The following CAMKMT variants were observed in gnomAD, a reference collection of about 807,000 sequenced individuals.
CAMKMT encodes the protein CaM KMT.
A neutral mutation model predicts 48.0 loss-of-function variants in CAMKMT; 53 were observed. The observed-to-expected ratio is 1.10, with a 90% CI of 0.89 to 1.39. The LOEUF is 1.39. CAMKMT is among the 40% of genes most tolerant of loss of function. CAMKMT has a pLI of 0.00. For missense variants in CAMKMT, 428 were observed against 402.7 expected (o/e 1.06, Z -0.54); for synonymous variants, 165 against 152.3 (o/e 1.08, Z -0.61).
chr2:44,675,088 A>AGG (rs1293861815), intron 3 of CAMKMT, among the ~76,000 whole-genome samples: 167 of 148,432 alleles, frequency 1.1e-3, no homozygotes, highest in African/African-American at 3.2e-3. Context: ...AGGGGGGGAA[A>AGG]AAAAAAAAGG....
chr2:44,452,930 G>T (rs1422668337), intron 3 of CAMKMT, among the ~76,000 whole-genome samples: 1 of 151,978 alleles, frequency 6.6e-6, no homozygotes, highest in African/African-American at 2.4e-5. Flanking sequence ...GGTTTTATGT[G>T]TCTTTTTATA....
chr2:44,475,879 C>T (rs1668663408), intron 3 of CAMKMT, among the ~76,000 whole-genome samples: 1 of 152,204 alleles, frequency 6.6e-6, no homozygotes, highest in Non-Finnish European at 1.5e-5. Flanking sequence ...TCTGTGACTG[C>T]ATTCTCTGAG....
At chr2:44,458,139 C>G (rs536895559) in intron 3 of CAMKMT, among the ~76,000 whole-genome samples, 1 of 150,892 alleles carries the variant, frequency 6.6e-6, no homozygotes, top group Admixed American at 6.6e-5. Flanking sequence ...CTCTGCCTCC[C>G]CGGTTCAAAC....
At chr2:44,447,307 C>T (rs1356607442) in intron 3 of CAMKMT, among the ~76,000 whole-genome samples, 3 of 152,282 alleles carry the variant, frequency 2.0e-5, no homozygotes, top group South Asian at 4.1e-4. Flanking sequence ...CTTTTATTCT[C>T]CTCGTTTTAT....
At chr2:44,528,434 C>G (rs1666288898) in intron 3 of CAMKMT, among the ~76,000 whole-genome samples, 1 of 151,974 alleles carries the variant, frequency 6.6e-6, no homozygotes, top group Non-Finnish European at 1.5e-5. Flanking sequence ...CCACTCATTG[C>G]CACCCCCTTA....
chr2:44,456,221 CAA>C (rs1034765372), intron 3 of CAMKMT, among the ~76,000 whole-genome samples: 50 of 152,090 alleles, frequency 3.3e-4, no homozygotes, highest in African/African-American at 1.0e-3. Flanking sequence ...AGTATGAAAA[CAA>C]GTGTTCATTT....
intron 3 of CAMKMT, among the ~76,000 whole-genome samples, chr2:44,611,862 C>G (rs1262602310): frequency 1.3e-5 from 2 of 151,858 alleles, no homozygotes. Context: ...GGGGGAGGTG[C>G]CACACACTTT....
intron 3 of CAMKMT, among the ~76,000 whole-genome samples, chr2:44,650,075 C>G (rs1373357670): frequency 6.6e-6 from 1 of 152,130 alleles, no homozygotes; most frequent in East Asian, 1.9e-4. Flanking sequence ...GTTTCTTTAA[C>G]AAAGTACCAC....
intron 3 of CAMKMT, among the ~76,000 whole-genome samples, chr2:44,603,771 C>G (rs1410736868): frequency 6.6e-6 from 1 of 152,184 alleles, no homozygotes; most frequent in Non-Finnish European, 1.5e-5. Flanking sequence ...ATTCTATTTG[C>G]ATTCTTTCAA....
chr2:44,681,812 T>A (rs754247985), intron 3 of CAMKMT, among the ~76,000 whole-genome samples: 3 of 152,164 alleles, frequency 2.0e-5, no homozygotes, highest in Non-Finnish European at 4.4e-5. Context: ...CAGGGTTATG[T>A]TTCCTTCATT....
intron 3 of CAMKMT, among the ~76,000 whole-genome samples, chr2:44,437,929 G>A (rs537466528): frequency 6.6e-6 from 1 of 150,938 alleles, no homozygotes. Context: ...TGCTCCTCCA[G>A]AGATCCACCA....
At chr2:44,752,008 A>T (rs762867186) in intron 8 of CAMKMT, among the ~76,000 whole-genome samples, 16 of 152,042 alleles carry the variant, frequency 1.1e-4, no homozygotes, top group Admixed American at 1.3e-4. Flanking sequence ...ATCCGCCCCT[A>T]TGACCCAATA....
Position 44,592,210 on chromosome 2 carries a change from T to G in CAMKMT, c.377-112073T>G, listed in dbSNP as rs967289606. On this transcript the variant is annotated intron_variant, in intron 3 of 10. Coordinates refer to ENST00000378494, the MANE Select transcript of CAMKMT (RefSeq NM_024766.5). ...CACATGTACCCTAAAACTTAAAGTATAATAATAATAATAAATAAATAAATA... is the reference window on the plus strand; with the variant it reads ...CACATGTACCCTAAAACTTAAAGTAGAATAATAATAATAAATAAATAAATA... Among the ~76,000 whole-genome samples, 11 of 151,828 alleles carry G rather than the reference T, an allele frequency of 7.2e-5. No homozygotes were observed. The East Asian group carries it at 1.9e-3, about 27-fold the overall frequency.
chr2:44,610,920 G>A (rs1270268638), intron 3 of CAMKMT, among the ~76,000 whole-genome samples: 1 of 152,142 alleles, frequency 6.6e-6, no homozygotes, highest in African/African-American at 2.4e-5. Flanking sequence ...TCATGAGAAT[G>A]GAAGGGCTTA....
At chr2:44,658,885 G>GCT (rs550854956) in intron 3 of CAMKMT, among the ~76,000 whole-genome samples, 38 of 152,058 alleles carry the variant, frequency 2.5e-4, no homozygotes, top group Non-Finnish European at 4.4e-4. Flanking sequence ...CAAACATGGA[G>GCT]CTAAGTACTC....
chr2:44,577,930 T>C (rs2103762522), intron 3 of CAMKMT, among the ~76,000 whole-genome samples: 1 of 152,378 alleles, frequency 6.6e-6, no homozygotes, highest in South Asian at 2.1e-4. Context: ...GCCTTTGTCC[T>C]ATCATTTCTT....
At chr2:44,596,558 C>T (rs1553422589) in intron 3 of CAMKMT, among the ~76,000 whole-genome samples, 1 of 152,102 alleles carries the variant, frequency 6.6e-6, no homozygotes, top group Non-Finnish European at 1.5e-5. Context: ...CTCTAACAAG[C>T]CCCCCATCTG....
chr2:44,644,037 A>C (rs1357929933), intron 3 of CAMKMT, among the ~76,000 whole-genome samples: 1 of 152,196 alleles, frequency 6.6e-6, no homozygotes, highest in Non-Finnish European at 1.5e-5. Context: ...TCTTCATTTT[A>C]AGTCAAAGCG....
intron 3 of CAMKMT, among the ~76,000 whole-genome samples, chr2:44,652,904 A>G (rs766840661): frequency 1.3e-5 from 2 of 152,186 alleles, no homozygotes; most frequent in Non-Finnish European, 2.9e-5. Context: ...TGGATTATCC[A>G]GGCCATATGC....
Sources: gnomAD v4.1 joint callset for allele counts (sites outside exome capture counted in the v4.1 genomes callset) on GRCh38, gnomAD v4.1.1 for gene constraint, MANE v1.5 for transcripts, NCBI Gene and HGNC (gene_info 2026-07-23, HGNC 2026-07-21) for gene names.